Variants in PCDHGC3 observed in about 807,000 individuals in gnomAD.
PCDHGC3 encodes protocadherin gamma subfamily C, 3.
A neutral mutation model predicts 59.2 loss-of-function variants in PCDHGC3; 26 were observed. The observed-to-expected ratio is 0.44, with a 90% CI of 0.32 to 0.61. The LOEUF is 0.61. PCDHGC3 is among the 20% of genes least tolerant of loss of function. The pLI is 0.05. For synonymous variants in PCDHGC3, 487 were observed against 519.7 expected, an observed-to-expected ratio of 0.94 and a Z score of 0.86; for missense variants, 1,080 against 1,221.8, an observed-to-expected ratio of 0.88 and a Z score of 1.73.
At position 141,490,221 on chromosome 5, in the gene PCDHGC3, G is replaced by A; in HGVS notation, c.2431-4586G>A. 6.2e-7 allele frequency: 1 copy of A among 1,614,236 alleles called. No individual in the cohort carries two copies. The highest frequency in any genetic ancestry group is 1.1e-5 in the South Asian group (1 of 91,084). ...ATGCAAGAGCCCGTGACCAGGGACAGCCTGCCATGGAGGGCCACTGTGTGA... is the reference window on the plus strand; with the variant it reads ...ATGCAAGAGCCCGTGACCAGGGACAACCTGCCATGGAGGGCCACTGTGTGA... On this transcript the variant is annotated intron_variant, in intron 1 of 3. Transcript: ENST00000308177. The surrounding 1 kb of genome is among the most constrained non-coding windows in gnomAD (Gnocchi z 5.4).
chr5:141,485,009 C>A lies in PCDHGC3; in HGVS notation c.2430+6463C>A, dbSNP rs531346426. 4 of 628,216 alleles carry A rather than the reference C, an allele frequency of 6.4e-6. No individual in the cohort carries two copies. Among genetic ancestry groups the A allele is most frequent in the African/African-American group, 3.7e-5 (2 of 54,100 alleles). 38.9% of individuals were successfully genotyped at this position (628,216 alleles called of 1,614,324 possible). On this transcript the variant is annotated intron_variant, in intron 1 of 3. Transcript: ENST00000308177. This position sits in a 1 kb window ranked among gnomAD's most constrained non-coding sequence, Gnocchi z 5.7. Reference sequence around the variant, plus strand: ...GGTGGTGAAAGGCAGACAAATCTACCCCGCCACCAGCAAAAACGGCGCGTA... The same window carrying A: ...GGTGGTGAAAGGCAGACAAATCTACACCGCCACCAGCAAAAACGGCGCGTA...
chr5:141,486,590 C>T lies in PCDHGC3; in HGVS notation c.2430+8044C>T, dbSNP rs781629297. On this transcript the variant is annotated intron_variant, in intron 1 of 3. Transcript: ENST00000308177. This position sits in a 1 kb window ranked among gnomAD's most constrained non-coding sequence, Gnocchi z 5.0. Reference sequence around the variant, plus strand: ...TCCTGAGAACAATCGCCCAGGGGACCTGCTTTGCTCCCTTGCAGCCTCTGA... The same window carrying T: ...TCCTGAGAACAATCGCCCAGGGGACTTGCTTTGCTCCCTTGCAGCCTCTGA... The T allele has an allele frequency of 6.2e-7, 1 of 1,613,640 alleles. No individual in the cohort carries two copies.
chr5:141,496,554 G>T (rs2099769470), intron 2 of PCDHGC3, among the ~76,000 whole-genome samples: 1 of 152,160 alleles, frequency 6.6e-6, no homozygotes, highest in Non-Finnish European at 1.5e-5. Context: ...TTCTGGGCAT[G>T]CACAGTCCTG....
chr5:141,501,475 G>A (rs1305778190), intron 2 of PCDHGC3, among the ~76,000 whole-genome samples: 5 of 152,014 alleles, frequency 3.3e-5, no homozygotes, highest in Admixed American at 3.3e-4. Flanking sequence ...AATCCTGGAA[G>A]AGTCCCTCAT....
chr5:141,489,211 A>G lies in PCDHGC3; in HGVS notation c.2431-5596A>G, dbSNP rs1206929838. On this transcript the variant is annotated intron_variant, in intron 1 of 3. Coordinates refer to ENST00000308177, the MANE Select transcript of PCDHGC3 (RefSeq NM_002588.4). This position sits in a 1 kb window ranked among gnomAD's most constrained non-coding sequence, Gnocchi z 4.5. The stretch of plus-strand genomic sequence containing the variant: ...CTACCTTGGAGACAGGACAGCACAG[A>G]CTTACTCTCCACAAAGGGACTTCTG... 2 of 1,462,498 alleles carry G rather than the reference A, an allele frequency of 1.4e-6. No individual in the cohort carries two copies. Among genetic ancestry groups the G allele is most frequent in the Non-Finnish European group, 1.8e-6 (2 of 1,081,560 alleles). The allele number at this position is 1,462,498 out of a possible 1,614,324, so 90.6% of individuals were successfully genotyped here. A position where few individuals can be genotyped will look rare whatever the true frequency, so the allele number is the denominator to read the frequency against.
In PCDHGC3 at chr5:141,477,211, C is replaced by T. The variant is rs1282763530; in HGVS notation, c.1095C>T (p.Ala365=). The change falls in exon 1 of 4, where the codon GCC becomes GCT. Residue 365 remains alanine (A), a synonymous_variant. Coordinates refer to ENST00000308177, the MANE Select transcript of PCDHGC3 (RefSeq NM_002588.4). The surrounding 1 kb of genome is among the most constrained non-coding windows in gnomAD (Gnocchi z 4.9). ...TSVYSPVPED[A]PLGTVIALLS... is the part of the protein sequence containing the mutation. ...TGTACAGCCCAGTACCCGAGGATGC[C>T]CCTCTGGGGACTGTCATCGCTTTGC... 2 of 1,614,154 alleles carry T rather than the reference C, an allele frequency of 1.2e-6. No individual in the cohort carries two copies. Among genetic ancestry groups the T allele is most frequent in the East Asian group, 4.5e-5 (2 of 44,870 alleles).
At position 141,494,925 on chromosome 5, in the gene PCDHGC3, G is replaced by A. The variant is rs936071950; in HGVS notation, c.2489+60G>A. On this transcript the variant is annotated intron_variant, in intron 2 of 3. Coordinates refer to ENST00000308177, the MANE Select transcript of PCDHGC3 (RefSeq NM_002588.4). ...TGCGGCATTTTCTCAGGGATGACGT[G>A]GGAGGAGATGGGGGAGGGCCCAGCA... is the stretch of plus-strand genomic sequence containing the variant. The A allele has an allele frequency of 3.3e-4, 525 of 1,613,316 alleles. 2 individuals carry two copies. Among genetic ancestry groups the A allele is most frequent in the Admixed American group, 4.7e-4 (28 of 59,956 alleles).
At position 141,487,557 on chromosome 5, in the gene PCDHGC3, T is replaced by C. The variant is rs751511771; in HGVS notation, c.2431-7250T>C. On this transcript the variant is annotated intron_variant, in intron 1 of 3. Coordinates refer to ENST00000308177, the MANE Select transcript of PCDHGC3 (RefSeq NM_002588.4). The surrounding 1 kb of genome is among the most constrained non-coding windows in gnomAD (Gnocchi z 5.0). The stretch of plus-strand genomic sequence containing the variant: ...ATGGTGAAGTCACCCAGTGCACCTA[T>C]GGCAGGGGAGCCTGTTCGCCCAAGC... The C allele has an allele frequency of 1.9e-5, 31 of 1,614,060 alleles. No homozygotes were observed. In the East Asian group the frequency reaches 4.2e-4, roughly 22 times the overall value.
chr5:141,489,425 G>T lies in PCDHGC3; in HGVS notation c.2431-5382G>T, dbSNP rs779739693. 6.2e-7 allele frequency: 1 copy of T among 1,614,118 alleles called. No homozygotes were observed. The highest frequency in any genetic ancestry group is 8.5e-7 in the Non-Finnish European group (1 of 1,180,030). The stretch of plus-strand genomic sequence containing the variant: ...TTAAAGATGACAGATCTGTTGAGCC[G>T]GCGGCTGCAATTGGGCTCTGAGGAG... On this transcript the variant is annotated intron_variant, in intron 1 of 3. Transcript: ENST00000308177. This position sits in a 1 kb window ranked among gnomAD's most constrained non-coding sequence, Gnocchi z 4.5.
chr5:141,495,199 G>A (rs1205495643), intron 2 of PCDHGC3, among the ~76,000 whole-genome samples: 1 of 152,164 alleles, frequency 6.6e-6, no homozygotes, highest in African/African-American at 2.4e-5. Context: ...CCCATGTACT[G>A]CCTAACCCCC....
At position 141,490,155 on chromosome 5, in the gene PCDHGC3, G is replaced by A. The variant is rs753981059; in HGVS notation, c.2431-4652G>A. On this transcript the variant is annotated intron_variant, in intron 1 of 3. Transcript: ENST00000308177. This position sits in a 1 kb window ranked among gnomAD's most constrained non-coding sequence, Gnocchi z 5.4. ...CTAGCAGTGGGGCAATCCATGTGTT[G>A]GGTCCCATAGACTTTGAGGAGTCAC... 2 of 1,614,214 alleles carry A rather than the reference G, an allele frequency of 1.2e-6. No individual in the cohort carries two copies. The highest frequency in any genetic ancestry group is 1.1e-5 in the South Asian group (1 of 91,086).
intron 1 of PCDHGC3, among the ~76,000 whole-genome samples, chr5:141,492,356 G>A (rs2099739649): frequency 6.6e-6 from 1 of 152,198 alleles, no homozygotes; most frequent in Non-Finnish European, 1.5e-5. Context: ...ACTGCCACTC[G>A]CTCGCGGCCA....
In PCDHGC3 at chr5:141,485,244, T is replaced by C; in HGVS notation, c.2430+6698T>C. ...ACCCTTTTGTTCCTCTTTTACCACC[T>C]GGGTTACGTTTGTGGGCAGATCCGC... On this transcript the variant is annotated intron_variant, in intron 1 of 3. Transcript: ENST00000308177. This position sits in a 1 kb window ranked among gnomAD's most constrained non-coding sequence, Gnocchi z 5.7. 1 of 1,614,168 alleles carries C rather than the reference T, an allele frequency of 6.2e-7. No individual in the cohort carries two copies. Among genetic ancestry groups the C allele is most frequent in the Admixed American group, 1.7e-5 (1 of 60,016 alleles).
Position 141,485,210 on chromosome 5 carries a change from C to T in PCDHGC3, c.2430+6664C>T, listed in dbSNP as rs2099609472. 1.2e-6 allele frequency: 2 copies of T among 1,614,058 alleles called. No individual in the cohort carries two copies. The highest frequency in any genetic ancestry group is 1.3e-5 in the African/African-American group (1 of 75,046). ...GGTGAGAAGCTGGACAGAAATCTGG[C>T]GGTGGGCTACCCTTTTGTTCCTCTT... On this transcript the variant is annotated intron_variant, in intron 1 of 3. Coordinates refer to ENST00000308177, the MANE Select transcript of PCDHGC3 (RefSeq NM_002588.4). The surrounding 1 kb of genome is among the most constrained non-coding windows in gnomAD (Gnocchi z 5.7).
chr5:141,507,754 C>T (rs1488474557), intron 3 of PCDHGC3, among the ~76,000 whole-genome samples: 7 of 152,242 alleles, frequency 4.6e-5, no homozygotes, highest in Admixed American at 2.0e-4. Flanking sequence ...GTCAAGGCCT[C>T]CCACCTTTGG....
chr5:141,500,554 C>A (rs2099801320), intron 2 of PCDHGC3, among the ~76,000 whole-genome samples: 1 of 152,212 alleles, frequency 6.6e-6, no homozygotes, highest in Admixed American at 6.5e-5. Context: ...AAGTTGTTCA[C>A]AAACTTGTCA....
chr5:141,489,284 T>A lies in PCDHGC3; in HGVS notation c.2431-5523T>A. On this transcript the variant is annotated intron_variant, in intron 1 of 3. Transcript: ENST00000308177. This position sits in a 1 kb window ranked among gnomAD's most constrained non-coding sequence, Gnocchi z 4.5. ...CCACAGCTCGCTGGGAAATGGCAAG[T>A]GCTGTGCATGTTGTCCTTGTGCTGC... The A allele has an allele frequency of 6.4e-7, 1 of 1,570,016 alleles. No homozygotes were observed. The highest frequency in any genetic ancestry group is 2.2e-5 in the East Asian group (1 of 44,588).
Position 141,493,554 on chromosome 5 carries a change from G to A in PCDHGC3, c.2431-1253G>A, listed in dbSNP as rs2099748882. The stretch of plus-strand genomic sequence containing the variant: ...GGCCAGTTATCCTTTTGGAGATTGA[G>A]TTCCCCCAGCTCCGTTTCCTCCTAT... On this transcript the variant is annotated intron_variant, in intron 1 of 3. Coordinates refer to ENST00000308177, the MANE Select transcript of PCDHGC3 (RefSeq NM_002588.4). The surrounding 1 kb of genome is among the most constrained non-coding windows in gnomAD (Gnocchi z 4.3). 6.6e-6 allele frequency among the ~76,000 whole-genome samples: 1 copy of A among 152,166 alleles called. No homozygotes were observed. Among genetic ancestry groups the A allele is most frequent in the Admixed American group, 6.5e-5 (1 of 15,282 alleles).
intron 1 of PCDHGC3, among the ~76,000 whole-genome samples, chr5:141,484,819 G>A (rs2099601374): frequency 1.3e-5 from 2 of 152,122 alleles, no homozygotes; most frequent in Admixed American, 1.3e-4. Flanking sequence ...GCCGTTGAGC[G>A]GGAGGAAGGC....
Sources: allele counts gnomAD v4.1 joint callset (sites outside exome capture counted in the v4.1 genomes callset), GRCh38; gene constraint gnomAD v4.1.1; non-coding constraint Gnocchi (gnomAD v3.1); transcripts MANE v1.5; gene names NCBI Gene and HGNC (gene_info 2026-07-23, HGNC 2026-07-21).